The following NDST3 variants were observed in gnomAD, a reference collection of about 807,000 sequenced individuals.
The protein encoded by NDST3 is N-deacetylase and N-sulfotransferase 3, also known as bifunctional heparan sulfate N-deacetylase/N-sulfotransferase 3.
A neutral mutation model predicts 96.1 loss-of-function variants in NDST3; 58 were observed. The ratio of observed to expected loss-of-function variants is 0.60; its 90% CI spans 0.49 to 0.75. The LOEUF (loss-of-function observed/expected upper bound fraction) is 0.75, where lower values mean the gene tolerates loss of function less well. NDST3 is among the 30% of genes least tolerant of loss of function. The probability of loss-of-function intolerance (pLI) is 0.00; values close to 1 mark genes in which losing one functional copy is unlikely to be tolerated. For missense variants in NDST3, 788 were observed against 1,034.2 expected (o/e 0.76, Z 3.27); for synonymous variants, 333 against 359.7 (o/e 0.93, Z 0.84).
chr4:118,073,624 T>A (rs1014213991), intron 2 of NDST3, among the ~76,000 whole-genome samples: 2 of 152,038 alleles, frequency 1.3e-5, no homozygotes, highest in Admixed American at 1.3e-4. Context: ...TTTCTCTTTA[T>A]TTGTCTAGTT....
rs189912293 is a variant in NDST3 at position 118,206,080 on chromosome 4, C to T, written c.1540-18411C>T. On this transcript the variant is annotated intron_variant, in intron 6 of 13. Transcript: ENST00000296499. The stretch of plus-strand genomic sequence containing the variant: ...ATCTCCTGACCTCGTGATCCGCCCA[C>T]CTCGGCCTCCCAAAGTTGGGCTTTC... 3.4e-3 allele frequency among the ~76,000 whole-genome samples: 492 copies of T among 143,258 alleles called. 70 individuals are homozygous for T. The highest frequency in any genetic ancestry group is 6.1e-3 in the Non-Finnish European group (394 of 64,820). 94.0% of individuals were successfully genotyped at this position (143,258 alleles called of 152,430 possible).
intron 2 of NDST3, among the ~76,000 whole-genome samples, chr4:118,072,354 T>C (rs894540591): frequency 1.2e-4 from 18 of 152,142 alleles, no homozygotes; most frequent in African/African-American, 4.1e-4. Flanking sequence ...ATTCTTCCTA[T>C]TCATGAGCAC....
chr4:118,109,060 T>C (rs559599090), intron 3 of NDST3, among the ~76,000 whole-genome samples: 7 of 152,344 alleles, frequency 4.6e-5, no homozygotes, highest in South Asian at 4.1e-4. Flanking sequence ...TTTCTCTTTA[T>C]GTGCAGAGGT....
chr4:118,069,482 T>A (rs1726867890), intron 2 of NDST3, among the ~76,000 whole-genome samples: 1 of 152,024 alleles, frequency 6.6e-6, no homozygotes. Flanking sequence ...TTGGGGTTTT[T>A]TTGTCTAAAT....
intron 2 of NDST3, among the ~76,000 whole-genome samples, chr4:118,061,438 T>C (rs999995818): frequency 3.3e-5 from 5 of 152,194 alleles, no homozygotes; most frequent in African/African-American, 1.2e-4. Context: ...ACAAGGTCAA[T>C]TTTGTGCATC....
At chr4:118,097,065 C>A (rs543974594) in intron 2 of NDST3, among the ~76,000 whole-genome samples, 26 of 152,074 alleles carry the variant, frequency 1.7e-4, no homozygotes, top group African/African-American at 6.0e-4. Context: ...TTAGAGAAGG[C>A]AATCTGCTTT....
chr4:118,052,041 C>T (rs1725109622), intron 1 of NDST3, among the ~76,000 whole-genome samples: 1 of 151,870 alleles, frequency 6.6e-6, no homozygotes, highest in Non-Finnish European at 1.5e-5. Flanking sequence ...GGGTATATAC[C>T]CAAAGGAAAA....
intron 2 of NDST3, among the ~76,000 whole-genome samples, chr4:118,057,646 A>C (rs547627815): frequency 1.3e-5 from 2 of 152,086 alleles, no homozygotes; most frequent in Middle Eastern, 3.2e-3. Flanking sequence ...AGCAGGGCCC[A>C]CTGGGCTAAG....
intron 9 of NDST3, among the ~76,000 whole-genome samples, chr4:118,235,913 C>T (rs1205612349): frequency 6.6e-6 from 1 of 152,172 alleles, no homozygotes; most frequent in Non-Finnish European, 1.5e-5. Context: ...ACCAGCTAAG[C>T]TTTGCAATAT....
At chr4:118,070,204 C>T (rs748667338) in intron 2 of NDST3, among the ~76,000 whole-genome samples, 13 of 152,080 alleles carry the variant, frequency 8.5e-5, no homozygotes, top group African/African-American at 1.7e-4. Flanking sequence ...GCTAAGGTCT[C>T]GACCAGTTCT....
chr4:118,100,835 C>G (rs1482570634), intron 2 of NDST3, among the ~76,000 whole-genome samples: 2 of 152,138 alleles, frequency 1.3e-5, no homozygotes, highest in Non-Finnish European at 2.9e-5. Context: ...ATAATAATCT[C>G]TAGTATACTA....
At chr4:118,079,582 AAACAGACAGG>A (rs1331703682) in intron 2 of NDST3, among the ~76,000 whole-genome samples, 3 of 152,222 alleles carry the variant, frequency 2.0e-5, no homozygotes, top group African/African-American at 7.2e-5. Flanking sequence ...GAATTCAGAA[AAACAGACAGG>A]AACCAGATTA....
chr4:118,200,496 C>A (rs1387723006), intron 6 of NDST3, among the ~76,000 whole-genome samples: 3 of 152,160 alleles, frequency 2.0e-5, no homozygotes, highest in African/African-American at 7.2e-5. Context: ...ATCTAAAAAC[C>A]AAGTCCTGAA....
rs570575581 is a variant in NDST3 at position 118,206,760 on chromosome 4, C to T, written c.1540-17731C>T. ...AAAAAGTAACAAAGACTAACTCTCA[C>T]ACATTACTAGTGGTAATGTAAGTCA... On this transcript the variant is annotated intron_variant, in intron 6 of 13. Coordinates refer to ENST00000296499, the MANE Select transcript of NDST3 (RefSeq NM_004784.3). Among the ~76,000 whole-genome samples the T allele has an allele frequency of 7.4e-4, 106 of 144,186 alleles. 13 individuals carry two copies. The highest frequency in any genetic ancestry group is 2.7e-3 in the African/African-American group (105 of 38,982). The allele number at this position is 144,186 out of a possible 152,430, so 94.6% of individuals were successfully genotyped here.
chr4:118,043,399 C>T (rs1305297816), intron 1 of NDST3, among the ~76,000 whole-genome samples: 2 of 152,188 alleles, frequency 1.3e-5, no homozygotes, highest in Admixed American at 1.3e-4. Context: ...TATCTCTACC[C>T]TCTTGGAGCT....
At chr4:118,149,330 C>A (rs1008354907) in intron 6 of NDST3, among the ~76,000 whole-genome samples, 2 of 151,932 alleles carry the variant, frequency 1.3e-5, no homozygotes, top group African/African-American at 4.8e-5. Flanking sequence ...CATTGAATCT[C>A]TAAATTACCT....
At chr4:118,088,753 C>T (rs1728634836) in intron 2 of NDST3, among the ~76,000 whole-genome samples, 1 of 151,978 alleles carries the variant, frequency 6.6e-6, no homozygotes, top group Non-Finnish European at 1.5e-5. Flanking sequence ...TATTTTCATC[C>T]ATATTTTCAA....
At chr4:118,127,850 T>C (rs1488985680) in intron 4 of NDST3, among the ~76,000 whole-genome samples, 4 of 152,050 alleles carry the variant, frequency 2.6e-5, no homozygotes, top group African/African-American at 4.8e-5. Flanking sequence ...ATTTTTTTGG[T>C]GTACTCTTTA....
intron 2 of NDST3, among the ~76,000 whole-genome samples, chr4:118,076,432 C>T (rs926237619): frequency 4.6e-5 from 7 of 151,316 alleles, no homozygotes; most frequent in East Asian, 2.0e-4. Flanking sequence ...GGAATGCCAG[C>T]GAGTCACAGA....
Sources: allele counts gnomAD v4.1 joint callset (sites outside exome capture counted in the v4.1 genomes callset), GRCh38; gene constraint gnomAD v4.1.1; transcripts MANE v1.5; gene names NCBI Gene and HGNC (gene_info 2026-07-23, HGNC 2026-07-21).